EYA3: variants seen among roughly 807,000 people sequenced by gnomAD.
EYA3 encodes the protein EYA transcriptional coactivator and phosphatase 3.
A neutral mutation model predicts 80.0 loss-of-function variants in EYA3; 39 were observed. The ratio of observed to expected loss-of-function variants is 0.49; its 90% CI spans 0.38 to 0.64. The LOEUF (loss-of-function observed/expected upper bound fraction) is 0.64, where lower values mean the gene tolerates loss of function less well. EYA3 is among the 30% of genes least tolerant of loss of function. The probability of loss-of-function intolerance (pLI) is 0.00; values close to 1 mark genes in which losing one functional copy is unlikely to be tolerated. For synonymous variants in EYA3, 206 were observed against 232.8 expected, an observed-to-expected ratio of 0.88 and a Z score of 1.05; for missense variants, 523 against 676.1, an observed-to-expected ratio of 0.77 and a Z score of 2.51.
chr1:28,000,141 A>G, intron 11 of EYA3, 92 bp from the exon 12 acceptor site: 1 of 767,386 alleles, frequency 1.3e-6, no homozygotes, highest in Non-Finnish European at 2.1e-6. Flanking sequence ...GTCAAGGCCA[A>G]AACACACGAG....
chr1:27,988,476 A>T, intron 16 of EYA3, 59 bp downstream of exon 16: 1 of 1,591,948 alleles, frequency 6.3e-7, no homozygotes, highest in Non-Finnish European at 8.6e-7. Context: ...TAATAGGTGC[A>T]TCATGAGTAG....
chr1:28,016,083 T>C (rs1476994814), intron 8 of EYA3, among the ~76,000 whole-genome samples: 1 of 152,158 alleles, frequency 6.6e-6, no homozygotes, highest in Non-Finnish European at 1.5e-5. Context: ...AACATCCCTG[T>C]GGATGAAGTA....
chr1:28,035,437 A>G, intron 6 of EYA3, 107 bp downstream of exon 6: 1 of 1,262,224 alleles, frequency 7.9e-7, no homozygotes, highest in Non-Finnish European at 1.1e-6. Context: ...TGCATACCCA[A>G]CCACATATGT....
chr1:27,997,428 T>G lies in EYA3; in HGVS notation c.1084-50A>C, dbSNP rs763026160. 8 of 1,473,176 alleles carry G rather than the reference T, an allele frequency of 5.4e-6. No homozygotes were observed. The African/African-American group carries it at 8.3e-5, about 15-fold the overall frequency. 91.3% of individuals were successfully genotyped at this position (1,473,176 alleles called of 1,614,324 possible). The stretch of plus-strand genomic sequence containing the variant: ...TTCAGTCCAGGGAGTAGAAGTGATA[T>G]TACCATCATGACATACTATAAAAAG... On this transcript the variant is annotated intron_variant, in intron 12 of 17. Coordinates refer to ENST00000373871, the MANE Select transcript of EYA3 (RefSeq NM_001990.4).
At position 27,999,876 on chromosome 1, in the gene EYA3, T is replaced by C; in HGVS notation, c.1083+84A>G. 3 of 1,011,206 alleles carry C rather than the reference T, an allele frequency of 3.0e-6. No individual in the cohort carries two copies. In the South Asian group the frequency reaches 5.2e-5, roughly 17 times the overall value. 62.6% of individuals were successfully genotyped at this position (1,011,206 alleles called of 1,614,324 possible). On this transcript the variant is annotated intron_variant, in intron 12 of 17. Transcript: ENST00000373871. The stretch of plus-strand genomic sequence containing the variant: ...CATATCCACCCTATCTAAACACATA[T>C]CTTCTAATATAATAAGCAAAAGCTC...
At chr1:28,083,622 G>A (rs547286154) in intron 1 of EYA3, among the ~76,000 whole-genome samples, 1 of 152,244 alleles carries the variant, frequency 6.6e-6, no homozygotes, top group South Asian at 2.1e-4. Context: ...AGTAAGTGCT[G>A]TATAAAGTTC....
chr1:28,001,459 T>A (rs891293358), intron 11 of EYA3, among the ~76,000 whole-genome samples: 5 of 143,898 alleles, frequency 3.5e-5, no homozygotes, highest in South Asian at 2.1e-4. Context: ...ATATATAAAA[T>A]TTTTTTTTGC....
chr1:28,017,168 T>C lies in EYA3; in HGVS notation c.571A>G (p.Ser191Gly). The change falls in exon 8 of 18, where the codon AGC (serine) becomes GGC (glycine). Residue 191 changes from serine to glycine, a missense_variant. Transcript: ENST00000373871. The part of the protein sequence containing the change: ...IANIPAAAVA[S>G]ISNQDYPTYT... Reference sequence around the variant, plus strand: ...TAGCATCATACCTGGTTTGAGATGCTGGCTACTGCTGCTGCTGGAATATTG... The same window carrying C: ...TAGCATCATACCTGGTTTGAGATGCCGGCTACTGCTGCTGCTGGAATATTG... 1 of 1,613,766 alleles carries C rather than the reference T, an allele frequency of 6.2e-7. No homozygotes were observed. The highest frequency in any genetic ancestry group is 8.5e-7 in the Non-Finnish European group (1 of 1,179,660).
rs533448531 is a variant in EYA3 at position 28,009,863 on chromosome 1, C to G, written c.909+1084G>C. ...TTTCATTTGGAATCATGAAAAAGTT[C>G]TAGAAATATACAGTGGTGATGGTTA... On this transcript the variant is annotated intron_variant, in intron 10 of 17. Coordinates refer to ENST00000373871, the MANE Select transcript of EYA3 (RefSeq NM_001990.4). This position sits in a 1 kb window ranked among gnomAD's most constrained non-coding sequence, Gnocchi z 4.8. 1.5e-3 allele frequency among the ~76,000 whole-genome samples: 222 copies of G among 152,060 alleles called. 1 individual carries two copies. The highest frequency in any genetic ancestry group is 5.0e-3 in the African/African-American group (209 of 41,488).
At chr1:28,000,970 TG>T (rs1341127927) in intron 11 of EYA3, among the ~76,000 whole-genome samples, 1 of 151,826 alleles carries the variant, frequency 6.6e-6, no homozygotes, top group Non-Finnish European at 1.5e-5. Context: ...AAGGCTGAGG[TG>T]GGAGAATCAC....
chr1:28,025,054 G>T (rs938532342), intron 7 of EYA3, among the ~76,000 whole-genome samples: 2 of 152,172 alleles, frequency 1.3e-5, no homozygotes, highest in Non-Finnish European at 2.9e-5. Flanking sequence ...CAGGGGGAAA[G>T]AAACAGCCCT....
chr1:28,048,274 T>C (rs1644101774), intron 3 of EYA3, 109 bp downstream of exon 3: 2 of 623,370 alleles, frequency 3.2e-6, no homozygotes, highest in Non-Finnish European at 5.3e-6. Context: ...TAACAGCTGA[T>C]GGTAAGAACC....
intron 5 of EYA3, among the ~76,000 whole-genome samples, chr1:28,036,278 T>C (rs1643451057): frequency 6.6e-6 from 1 of 152,228 alleles, no homozygotes; most frequent in South Asian, 2.1e-4. Context: ...CATGGCCCTA[T>C]GTGAGACACA....
intron 16 of EYA3, among the ~76,000 whole-genome samples, chr1:27,982,138 C>T (rs1222310973): frequency 6.6e-6 from 1 of 151,816 alleles, no homozygotes; most frequent in Non-Finnish European, 1.5e-5. Context: ...TCCTAAGTAG[C>T]CAGGACTACA....
chr1:28,039,017 T>G (rs1643627777), intron 4 of EYA3, 112 bp from the exon 5 acceptor site: 1 of 566,024 alleles, frequency 1.8e-6, no homozygotes, highest in Non-Finnish European at 3.1e-6. Context: ...AGAATACAGC[T>G]TGGACACCAG....
intron 11 of EYA3, among the ~76,000 whole-genome samples, chr1:28,000,309 GA>G (rs1440060014): frequency 6.6e-6 from 1 of 151,924 alleles, no homozygotes; most frequent in Non-Finnish European, 1.5e-5. Context: ...CAGAAAATAT[GA>G]TTTTTTTTTT....
intron 7 of EYA3, among the ~76,000 whole-genome samples, chr1:28,026,434 A>C (rs942621448): frequency 2.6e-5 from 4 of 152,034 alleles, no homozygotes; most frequent in Admixed American, 2.6e-4. Flanking sequence ...TGGGCAATAT[A>C]GTGAGATCCC....
intron 7 of EYA3, among the ~76,000 whole-genome samples, chr1:28,018,111 G>A (rs770541468): frequency 6.6e-5 from 10 of 151,780 alleles, no homozygotes; most frequent in Non-Finnish European, 1.2e-4. Context: ...CATGAGAATC[G>A]CTTGAACTCA....
At chr1:28,031,863 G>A (rs576868908) in intron 6 of EYA3, 4 of 151,864 alleles carry the variant, frequency 2.6e-5, no homozygotes, top group African/African-American at 7.3e-5. Flanking sequence ...TATTCTTTAC[G>A]CACATTTTTT....
Sources: allele counts gnomAD v4.1 joint callset (sites outside exome capture counted in the v4.1 genomes callset), GRCh38; gene constraint gnomAD v4.1.1; non-coding constraint Gnocchi (gnomAD v3.1); transcripts MANE v1.5; gene names NCBI Gene and HGNC (gene_info 2026-07-23, HGNC 2026-07-21).